IL1RAPL1: variants seen among roughly 807,000 people sequenced by gnomAD.
IL1RAPL1 encodes the protein interleukin 1 receptor accessory protein like 1, also known as interleukin-1 receptor accessory protein-like 1.
Under a neutral mutation model 48.4 loss-of-function variants are expected in IL1RAPL1, and 3 were observed. That is an observed-to-expected ratio of 0.06 (90% CI 0.03 to 0.16). The LOEUF is 0.16. Among genes scored for constraint, IL1RAPL1 ranks in the 10% least tolerant of loss-of-function variants. The probability of loss-of-function intolerance (pLI) is 1.00; values close to 1 mark genes in which losing one functional copy is unlikely to be tolerated. For synonymous variants in IL1RAPL1, 185 were observed against 187.7 expected (o/e 0.99, Z 0.12); for missense variants, 349 against 530.6 (o/e 0.66, Z 3.36).
chrX:29,276,248 G>A (rs1932116986), intron 2 of IL1RAPL1, among the ~76,000 whole-genome samples: 1 of 112,090 alleles, frequency 8.9e-6, no homozygotes, highest in African/African-American at 3.2e-5. Context: ...CTATCTGTCT[G>A]AACATATTCC....
intron 2 of IL1RAPL1, among the ~76,000 whole-genome samples, chrX:28,833,667 A>C (rs1921129471): frequency 8.9e-6 from 1 of 111,830 alleles, no homozygotes; most frequent in South Asian, 3.7e-4. Context: ...GAGTTTCTTC[A>C]CAATCTCCAC....
chrX:28,949,357 A>G (rs965685713), intron 2 of IL1RAPL1, among the ~76,000 whole-genome samples: 4 of 110,411 alleles, frequency 3.6e-5, no homozygotes, highest in Non-Finnish European at 7.6e-5. Context: ...AAGTGTTTAT[A>G]TATTGTCAAC....
chrX:29,076,834 A>ATCTATCTATCTATCT (rs1927688272), intron 2 of IL1RAPL1, among the ~76,000 whole-genome samples: 2 of 110,661 alleles, frequency 1.8e-5, no homozygotes, highest in Non-Finnish European at 1.9e-5. Flanking sequence ...CTATCTATCT[A>ATCTATCTATCTATCT]AACAATGAAG....
intron 3 of IL1RAPL1, among the ~76,000 whole-genome samples, chrX:29,287,954 G>A (rs760284692): frequency 2.4e-3 from 270 of 111,294 alleles, no homozygotes; most frequent in African/African-American, 8.3e-3. Flanking sequence ...TGCTTTTGGT[G>A]TGAAGTCTAA....
intron 2 of IL1RAPL1, among the ~76,000 whole-genome samples, chrX:29,031,947 T>C (rs756141565): frequency 8.9e-6 from 1 of 112,116 alleles, no homozygotes; most frequent in East Asian, 2.8e-4. Context: ...TTTTAAATGA[T>C]GTTGAAAAGG....
At chrX:29,887,825 G>A (rs1023563620) in intron 6 of IL1RAPL1, among the ~76,000 whole-genome samples, 1 of 110,987 alleles carries the variant, frequency 9.0e-6, no homozygotes, top group African/African-American at 3.3e-5. Flanking sequence ...GTCTAGTGTT[G>A]GATGGAAAGG....
intron 5 of IL1RAPL1, among the ~76,000 whole-genome samples, chrX:29,504,638 T>G (rs961857032): frequency 1.8e-5 from 2 of 111,997 alleles, no homozygotes; most frequent in African/African-American, 6.5e-5. Flanking sequence ...CTTTATTTGA[T>G]GTAATTATAG....
chrX:29,055,389 C>T (rs1387652119), intron 2 of IL1RAPL1, among the ~76,000 whole-genome samples: 1 of 111,366 alleles, frequency 9.0e-6, no homozygotes, highest in African/African-American at 3.3e-5. Flanking sequence ...CTATGGTTCA[C>T]ATTATCGTAG....
At chrX:29,424,940 GTCA>G (rs1395997757) in intron 5 of IL1RAPL1, among the ~76,000 whole-genome samples, 15 of 111,845 alleles carry the variant, frequency 1.3e-4, no homozygotes, top group Admixed American at 5.7e-4. Context: ...AATCTTCACA[GTCA>G]TCTGATGATA....
intron 5 of IL1RAPL1, among the ~76,000 whole-genome samples, chrX:29,640,999 CTT>C (rs764299147): frequency 6.8e-4 from 62 of 91,715 alleles, no homozygotes; most frequent in Non-Finnish European, 1.1e-3. Context: ...AACCCCATCT[CTT>C]AAAAAAAAAA....
chrX:29,718,603 TAAAAAAAA>T (rs11438049), intron 6 of IL1RAPL1, among the ~76,000 whole-genome samples: 1 of 80,374 alleles, frequency 1.2e-5, no homozygotes, highest in Non-Finnish European at 2.4e-5. Context: ...GCTAAAGTAT[TAAAAAAAA>T]AAAAAAAAAA....
chrX:29,490,865 T>TATATACGTATATATATATATATATATACG (rs778859346), intron 5 of IL1RAPL1, among the ~76,000 whole-genome samples: 1 of 107,609 alleles, frequency 9.3e-6, no homozygotes, highest in Non-Finnish European at 1.9e-5. Context: ...TATATATATA[T>TATATACGTATATATATATATATATATACG]TCTGAGTGTG....
chrX:29,339,791 A>G (rs1192436378), intron 3 of IL1RAPL1, among the ~76,000 whole-genome samples: 1 of 112,063 alleles, frequency 8.9e-6, no homozygotes, highest in Non-Finnish European at 1.9e-5. Context: ...ATTACATTTA[A>G]TCATCATATA....
chrX:28,933,607 A>G (rs1227334232), intron 2 of IL1RAPL1, among the ~76,000 whole-genome samples: 11 of 111,363 alleles, frequency 9.9e-5, no homozygotes, highest in Non-Finnish European at 1.9e-4. Context: ...AACCCTAGAG[A>G]GGGTTCTTAG....
intron 2 of IL1RAPL1, among the ~76,000 whole-genome samples, chrX:29,241,171 T>C (rs1931415863): frequency 8.9e-6 from 1 of 111,794 alleles, no homozygotes; most frequent in Non-Finnish European, 1.9e-5. Context: ...AATAGAGTCA[T>C]ACAATACAGG....
chrX:29,801,035 CTCTCCGTCTCAAAAAAAAAA>C (rs1929874363), intron 6 of IL1RAPL1, among the ~76,000 whole-genome samples: 1 of 3,952 alleles, frequency 2.5e-4, no homozygotes, highest in Admixed American at 5.5e-3. Flanking sequence ...AAAAAAAAAA[CTCTCCGTCTCAAAAAAAAAA>C]AAAAAAAAAA....
chrX:29,191,136 A>G (rs774406513), intron 2 of IL1RAPL1, among the ~76,000 whole-genome samples: 1 of 111,963 alleles, frequency 8.9e-6, no homozygotes, highest in South Asian at 3.7e-4. Context: ...GTATATGTAT[A>G]TATTTGTGTT....
intron 2 of IL1RAPL1, among the ~76,000 whole-genome samples, chrX:28,808,315 C>T (rs1343150348): frequency 9.0e-6 from 1 of 110,853 alleles, no homozygotes; most frequent in Non-Finnish European, 1.9e-5. Context: ...TTAGTTTATG[C>T]CACCATGTGG....
At chrX:29,552,238 C>G (rs886590970) in intron 5 of IL1RAPL1, among the ~76,000 whole-genome samples, 1 of 111,610 alleles carries the variant, frequency 9.0e-6, no homozygotes, top group South Asian at 3.8e-4. Context: ...CCTGTGATTC[C>G]CCTTTGCCAT....
Sources: gnomAD v4.1 joint callset for allele counts (sites outside exome capture counted in the v4.1 genomes callset) on GRCh38, gnomAD v4.1.1 for gene constraint, MANE v1.5 for transcripts, NCBI Gene and HGNC (gene_info 2026-07-23, HGNC 2026-07-21) for gene names.